ROBO1: variants seen among roughly 807,000 people sequenced by gnomAD.
ROBO1 encodes roundabout homolog 1.
A neutral mutation model predicts 195.9 loss-of-function variants in ROBO1; 149 were observed. That is an observed-to-expected ratio of 0.76 (90% CI 0.67 to 0.87). The LOEUF (loss-of-function observed/expected upper bound fraction) is 0.87. Among genes scored for constraint, ROBO1 ranks in the 40% least tolerant of loss-of-function variants. The pLI is 0.00. For synonymous variants in ROBO1, 816 were observed against 733.2 expected (o/e 1.11, Z -1.82); for missense variants, 1,933 against 2,068.3 (o/e 0.93, Z 1.27).
chr3:79,117,767 C>T (rs2108551944), intron 3 of ROBO1, among the ~76,000 whole-genome samples: 1 of 152,164 alleles, frequency 6.6e-6, no homozygotes, highest in Non-Finnish European at 1.5e-5. Context: ...CTTAGCCCTC[C>T]AAATATTAAC....
At chr3:79,330,216 T>G (rs2034378190) in intron 2 of ROBO1, among the ~76,000 whole-genome samples, 1 of 149,804 alleles carries the variant, frequency 6.7e-6, no homozygotes, top group Non-Finnish European at 1.5e-5. Context: ...TATACATATG[T>G]AACCTGCACA....
intron 1 of ROBO1, among the ~76,000 whole-genome samples, chr3:79,619,859 A>T (rs575932209): frequency 6.6e-6 from 1 of 152,146 alleles, no homozygotes; most frequent in Non-Finnish European, 1.5e-5. Context: ...AAAAGGTCCA[A>T]AAATTGGATT....
chr3:78,952,747 C>G (rs1023742877), intron 3 of ROBO1, among the ~76,000 whole-genome samples: 1 of 151,934 alleles, frequency 6.6e-6, no homozygotes, highest in African/African-American at 2.4e-5. Context: ...TACATGAATA[C>G]AAGGAAAATG....
chr3:78,685,448 T>G (rs2081029885), intron 10 of ROBO1, among the ~76,000 whole-genome samples: 1 of 142,464 alleles, frequency 7.0e-6, no homozygotes, highest in Non-Finnish European at 1.5e-5. Flanking sequence ...ACTAAGATAT[T>G]ACAAAATATT....
At chr3:79,027,222 G>C (rs1439575047) in intron 3 of ROBO1, among the ~76,000 whole-genome samples, 1 of 152,002 alleles carries the variant, frequency 6.6e-6, no homozygotes, top group Non-Finnish European at 1.5e-5. Flanking sequence ...TCTTGAAATT[G>C]TACTCGAGTT....
intron 2 of ROBO1, among the ~76,000 whole-genome samples, chr3:79,243,184 T>C (rs2082554953): frequency 6.6e-6 from 1 of 152,056 alleles, no homozygotes; most frequent in Admixed American, 6.6e-5. Context: ...TACGGCTGCA[T>C]AGTATTTCAT....
At chr3:79,043,838 G>T (rs1471770526) in intron 3 of ROBO1, among the ~76,000 whole-genome samples, 3 of 152,030 alleles carry the variant, frequency 2.0e-5, no homozygotes, top group African/African-American at 7.2e-5. Flanking sequence ...GGCAAGATTT[G>T]CTCTCTATGT....
intron 2 of ROBO1, among the ~76,000 whole-genome samples, chr3:79,140,706 T>G (rs2080507519): frequency 6.6e-6 from 1 of 152,176 alleles, no homozygotes; most frequent in Admixed American, 6.5e-5. Context: ...TCTATGTAAT[T>G]TGCCAATTGG....
At chr3:78,724,934 C>T (rs2082128209) in intron 5 of ROBO1, among the ~76,000 whole-genome samples, 1 of 152,142 alleles carries the variant, frequency 6.6e-6, no homozygotes, top group African/African-American at 2.4e-5. Flanking sequence ...CTGGATTTGA[C>T]AGTCGAATTG....
intron 2 of ROBO1, among the ~76,000 whole-genome samples, chr3:79,575,162 CAA>C (rs367712892): frequency 2.8e-4 from 10 of 36,240 alleles, no homozygotes; most frequent in African/African-American, 4.0e-4. Flanking sequence ...ATATATATAA[CAA>C]ATATATATAA....
chr3:79,333,234 A>T (rs913631193), intron 2 of ROBO1, among the ~76,000 whole-genome samples: 9 of 151,756 alleles, frequency 5.9e-5, no homozygotes, highest in Non-Finnish European at 1.2e-4. Flanking sequence ...AAAAGAAAAA[A>T]ATCAATTATG....
At chr3:78,985,035 G>A (rs535326277) in intron 3 of ROBO1, among the ~76,000 whole-genome samples, 1 of 152,178 alleles carries the variant, frequency 6.6e-6, no homozygotes, top group South Asian at 2.1e-4. Flanking sequence ...TCTTCCTCAT[G>A]ATTTGCAGTG....
chr3:79,156,079 T>C (rs187163868), intron 2 of ROBO1, among the ~76,000 whole-genome samples: 3 of 151,840 alleles, frequency 2.0e-5, no homozygotes, highest in African/African-American at 7.2e-5. Flanking sequence ...TAAACACCCT[T>C]AGTCCTAGCC....
intron 10 of ROBO1, among the ~76,000 whole-genome samples, chr3:78,674,910 T>C (rs1365340199): frequency 6.6e-6 from 1 of 152,338 alleles, no homozygotes. Flanking sequence ...AATGTCTCTA[T>C]ATATTGGTTA....
intron 4 of ROBO1, among the ~76,000 whole-genome samples, chr3:78,843,103 A>C (rs2033385948): frequency 6.6e-6 from 1 of 152,056 alleles, no homozygotes; most frequent in South Asian, 2.1e-4. Context: ...TATTTGTTTT[A>C]TGTGCTTAAA....
intron 2 of ROBO1, among the ~76,000 whole-genome samples, chr3:79,129,818 A>C (rs964537263): frequency 4.0e-5 from 6 of 151,716 alleles, no homozygotes; most frequent in South Asian, 2.1e-4. Context: ...TTTTAGGTCT[A>C]ACGTTTAAAT....
chr3:78,617,936 T>A lies in ROBO1; in HGVS notation c.3981A>T (p.Pro1327=). 1 of 1,613,984 alleles carries A rather than the reference T, an allele frequency of 6.2e-7. No homozygotes were observed. Among genetic ancestry groups the A allele is most frequent in the Non-Finnish European group, 8.5e-7 (1 of 1,179,892 alleles). Reference sequence around the variant, plus strand: ...TGTCGGCTTCGTCTTCTTCCTCTTCTGGCGCATCCGTATCCATATCTGAGA... The same window carrying A: ...TGTCGGCTTCGTCTTCTTCCTCTTCAGGCGCATCCGTATCCATATCTGAGA... ...PLVSDMDTDA[P]EEEEDEADME... Residue 1327 remains proline (P), a synonymous_variant, in exon 27 of 31, where the codon CCA becomes CCT. Coordinates refer to ENST00000464233, the MANE Select transcript of ROBO1 (RefSeq NM_002941.4).
At chr3:78,810,339 G>A (rs1004392761) in intron 4 of ROBO1, among the ~76,000 whole-genome samples, 1 of 152,138 alleles carries the variant, frequency 6.6e-6, no homozygotes, top group Non-Finnish European at 1.5e-5. Context: ...GGGAGAAAGA[G>A]AAAGGAAGCT....
intron 2 of ROBO1, among the ~76,000 whole-genome samples, chr3:79,125,847 G>A (rs930627218): frequency 2.0e-5 from 3 of 152,194 alleles, no homozygotes; most frequent in South Asian, 4.1e-4. Context: ...CGCCAGCACG[G>A]ACTGAGAGAG....
Sources: gnomAD v4.1 joint callset for allele counts (sites outside exome capture counted in the v4.1 genomes callset) on GRCh38, gnomAD v4.1.1 for gene constraint, MANE v1.5 for transcripts, NCBI Gene and HGNC (gene_info 2026-07-23, HGNC 2026-07-21) for gene names.